Variants in CEP290 observed in about 807,000 individuals in gnomAD.
CEP290 encodes the protein centrosomal protein 290, also known as centrosomal protein of 290 kDa.
Under a neutral mutation model 344.9 loss-of-function variants are expected in CEP290, and 317 were observed. The ratio of observed to expected loss-of-function variants is 0.92; its 90% CI spans 0.84 to 1.01. The LOEUF (loss-of-function observed/expected upper bound fraction) is 1.01. Ranked by LOEUF, CEP290 falls within the 50% of genes least tolerant of loss-of-function variation. The probability of loss-of-function intolerance (pLI) is 0.00; values close to 1 mark genes in which losing one functional copy is unlikely to be tolerated. For synonymous variants in CEP290, 932 were observed against 895.8 expected (o/e 1.04, Z -0.72); for missense variants, 2,754 against 2,761.4 (o/e 1.00, Z 0.06).
At position 88,102,872 on chromosome 12, in the gene CEP290, A is replaced by G; in HGVS notation, c.2957T>C (p.Leu986Pro). The stretch of plus-strand genomic sequence containing the variant: ...TTCCAAGTTACTTGTTCTTTGAACA[A>G]GCATATTATCTTTTTGCAAGATGTC... Reference protein sequence around the residue: ...YRDILQKDNMLVQRTSNLEHL... With the variant: ...YRDILQKDNMPVQRTSNLEHL... The change falls in exon 26 of 54, where the codon CTT (leucine) becomes CCT (proline). Residue 986 changes from leucine (L) to proline (P), a missense_variant. Coordinates refer to ENST00000552810, the MANE Select transcript of CEP290 (RefSeq NM_025114.4). The G allele has an allele frequency of 6.2e-7, 1 of 1,610,626 alleles. No individual in the cohort carries two copies. Among genetic ancestry groups the G allele is most frequent in the South Asian group, 1.1e-5 (1 of 90,334 alleles).
chr12:88,100,897 A>G (rs2037819483), intron 26 of CEP290, among the ~76,000 whole-genome samples: 1 of 152,186 alleles, frequency 6.6e-6, no homozygotes, highest in Admixed American at 6.5e-5. Context: ...CATACATAAG[A>G]AAGAACACTG....
At chr12:88,051,355 T>C (rs1459457043) in intron 52 of CEP290, among the ~76,000 whole-genome samples, 3 of 151,978 alleles carry the variant, frequency 2.0e-5, no homozygotes, top group Admixed American at 1.3e-4. Context: ...AGTGCCACCA[T>C]GCCTGGCTAA....
At chr12:88,082,731 C>T (rs2036284595) in intron 37 of CEP290, among the ~76,000 whole-genome samples, 2 of 151,952 alleles carry the variant, frequency 1.3e-5, no homozygotes, top group South Asian at 4.2e-4. Context: ...AACTGAGGCT[C>T]AAAGAAGGTA....
In CEP290 at chr12:88,103,031, C is replaced by T. The variant is rs1463784322; in HGVS notation, c.2818-20G>A. The T allele has an allele frequency of 1.5e-5, 22 of 1,476,052 alleles. No individual in the cohort carries two copies. The highest frequency in any genetic ancestry group is 1.9e-5 in the Non-Finnish European group (21 of 1,118,660). 91.4% of individuals were successfully genotyped at this position (1,476,052 alleles called of 1,614,324 possible). On this transcript the variant is annotated intron_variant, in intron 25 of 53. Coordinates refer to ENST00000552810, the MANE Select transcript of CEP290 (RefSeq NM_025114.4). Reference sequence around the variant, plus strand: ...CATTTCCTATGTAAATAAAGATACACTGAGTTATGCTGGTGTCTTTTTTTC... The same window carrying T: ...CATTTCCTATGTAAATAAAGATACATTGAGTTATGCTGGTGTCTTTTTTTC...
chr12:88,098,965 C>T (rs2137464731), intron 26 of CEP290, among the ~76,000 whole-genome samples: 1 of 152,080 alleles, frequency 6.6e-6, no homozygotes, highest in South Asian at 2.1e-4. Flanking sequence ...GCATGGCATG[C>T]CAAGACAAGG....
chr12:88,097,737 G>C (rs912739800), intron 26 of CEP290, among the ~76,000 whole-genome samples: 16 of 151,906 alleles, frequency 1.1e-4, no homozygotes, highest in Admixed American at 3.3e-4. Context: ...TGCCACTAAA[G>C]CTGTACATTC....
At chr12:88,069,959 C>G (rs1217197340) in intron 43 of CEP290, among the ~76,000 whole-genome samples, 2 of 151,876 alleles carry the variant, frequency 1.3e-5, no homozygotes, top group Non-Finnish European at 2.9e-5. Flanking sequence ...AAGAAATGAG[C>G]GAAACAGAAG....
intron 37 of CEP290, among the ~76,000 whole-genome samples, chr12:88,081,699 A>G (rs1017532621): frequency 1.5e-4 from 23 of 152,354 alleles, no homozygotes; most frequent in African/African-American, 5.5e-4. Context: ...GAACACAAGT[A>G]TAATTTTGGA....
intron 26 of CEP290, among the ~76,000 whole-genome samples, chr12:88,097,296 T>A (rs1424141455): frequency 1.3e-5 from 2 of 152,032 alleles, no homozygotes; most frequent in East Asian, 3.9e-4. Flanking sequence ...GGGAGGTAAT[T>A]GAATCGTGGG....
intron 32 of CEP290, 61 bp downstream of exon 32, chr12:88,087,719 C>CAAAAA (rs375540609): frequency 7.3e-4 from 94 of 129,434 alleles, no homozygotes; most frequent in South Asian, 1.1e-3. Flanking sequence ...GACTCCATCT[C>CAAAAA]AAAAAAAAAA....
At chr12:88,096,287 G>T (rs1195669842) in intron 27 of CEP290, among the ~76,000 whole-genome samples, 7 of 152,062 alleles carry the variant, frequency 4.6e-5, no homozygotes, top group Non-Finnish European at 1.0e-4. Context: ...GACCCCAGGG[G>T]ATCTGCTCTC....
At position 88,053,928 on chromosome 12, in the gene CEP290, C is replaced by T. The variant is rs80290148; in HGVS notation, c.7035-182G>A. Among the ~76,000 whole-genome samples the T allele has an allele frequency of 2.5e-3, 385 of 152,206 alleles. 4 individuals are homozygous for T. Among genetic ancestry groups the T allele is most frequent in the African/African-American group, 9.0e-3 (374 of 41,534 alleles). On this transcript the variant is annotated intron_variant, in intron 51 of 53. Transcript: ENST00000552810. Reference sequence around the variant, plus strand: ...AAACAAAAAGCCTGGAATACAAAAGCCTTCACGTTTTTCTTAATATCTGAC... The same window carrying T: ...AAACAAAAAGCCTGGAATACAAAAGTCTTCACGTTTTTCTTAATATCTGAC...
intron 53 of CEP290, 58 bp from the exon 54 acceptor site, chr12:88,049,472 G>T: frequency 1.1e-6 from 1 of 876,460 alleles, no homozygotes; most frequent in South Asian, 1.6e-5. Context: ...TTTTACGTTT[G>T]AACAAGGAGA....
intron 43 of CEP290, among the ~76,000 whole-genome samples, chr12:88,070,641 T>C (rs1181693220): frequency 2.0e-5 from 3 of 152,102 alleles, no homozygotes; most frequent in Non-Finnish European, 4.4e-5. Flanking sequence ...AAGTCGTTTT[T>C]TTCTTCCTCT....
chr12:88,063,732 C>T (rs773854939), intron 45 of CEP290, among the ~76,000 whole-genome samples: 1 of 152,046 alleles, frequency 6.6e-6, no homozygotes, highest in Non-Finnish European at 1.5e-5. Flanking sequence ...CAGTCTTCTC[C>T]ACTAGAACGT....
intron 26 of CEP290, among the ~76,000 whole-genome samples, chr12:88,097,604 CACACAT>C (rs777255165): frequency 0.011 from 1,116 of 98,534 alleles, 7 homozygotes; most frequent in Admixed American, 0.024. Context: ...TACACACACA[CACACAT>C]ACACACACAC....
At chr12:88,079,707 A>T (rs2036049560) in intron 38 of CEP290, among the ~76,000 whole-genome samples, 1 of 151,976 alleles carries the variant, frequency 6.6e-6, no homozygotes, top group Non-Finnish European at 1.5e-5. Flanking sequence ...AGATAAACTA[A>T]AAAAAACCCT....
chr12:88,133,062 T>G (rs577418725), intron 6 of CEP290, among the ~76,000 whole-genome samples: 1 of 151,108 alleles, frequency 6.6e-6, no homozygotes, highest in South Asian at 2.1e-4. Flanking sequence ...AAGGACATGA[T>G]CTTGTTCCGG....
In CEP290 at chr12:88,093,829, G is replaced by C. The variant is rs372918770; in HGVS notation, c.3250C>G (p.Arg1084Gly). Residue 1084 changes from arginine (R) to glycine (G), a missense_variant, in exon 28 of 54, where the codon CGG (arginine) becomes GGG (glycine). Coordinates refer to ENST00000552810, the MANE Select transcript of CEP290 (RefSeq NM_025114.4). The part of the protein sequence containing the change: ...EHCQKMYEHL[R>G]TSLKQMEERN... The stretch of plus-strand genomic sequence containing the variant: ...TCCTCCATTTGCTTTAACGAAGTCC[G>C]TAAGTGTTCATACATTTTTTGACAA... 2.8e-5 allele frequency: 45 copies of C among 1,612,506 alleles called. No individual in the cohort carries two copies. The African/African-American group carries it at 6.0e-4, about 22-fold the overall frequency.
Sources: gnomAD v4.1 joint callset for allele counts (sites outside exome capture counted in the v4.1 genomes callset) on GRCh38, gnomAD v4.1.1 for gene constraint, MANE v1.5 for transcripts, NCBI Gene and HGNC (gene_info 2026-07-23, HGNC 2026-07-21) for gene names.